GSE1: variants seen among roughly 807,000 people sequenced by gnomAD.
GSE1 encodes genetic suppressor element 1.
Under a neutral mutation model 112.6 loss-of-function variants are expected in GSE1, and 32 were observed. The ratio of observed to expected loss-of-function variants is 0.28; its 90% CI spans 0.21 to 0.38. The LOEUF is 0.38. GSE1 is among the 10% of genes least tolerant of loss of function. The probability of loss-of-function intolerance (pLI) is 1.00; values close to 1 mark genes in which losing one functional copy is unlikely to be tolerated. For synonymous variants in GSE1, 1,115 were observed against 735.6 expected, an observed-to-expected ratio of 1.52 and a Z score of -8.35; for missense variants, 2,348 against 1,699.2, an observed-to-expected ratio of 1.38 and a Z score of -6.71.
At chr16:85,469,965 A>C (rs1006915392) in intron 2 of GSE1, among the ~76,000 whole-genome samples, 2 of 152,156 alleles carry the variant, frequency 1.3e-5, no homozygotes, top group African/African-American at 4.8e-5. Flanking sequence ...GGTTCCCCGC[A>C]GTGGCAACCG....
At chr16:85,457,616 C>T (rs955963727) in intron 2 of GSE1, among the ~76,000 whole-genome samples, 1 of 152,364 alleles carries the variant, frequency 6.6e-6, no homozygotes, top group Admixed American at 6.5e-5. Context: ...GCTACCTGCA[C>T]ACAGCACCCC....
chr16:85,401,387 G>A (rs980397252), intron 2 of GSE1, among the ~76,000 whole-genome samples: 5 of 152,188 alleles, frequency 3.3e-5, no homozygotes, highest in African/African-American at 1.2e-4. Context: ...ACCAGGGGTG[G>A]GGGCAGAAAG....
rs1268004888 is a variant in GSE1 at position 85,673,977 on chromosome 16, C to G, written c.*1438C>G. ...GAACTTACTGTGACAAGCACAGGAA[C>G]GGTCAGAAACTGGGCTCATCACACC... On this transcript the variant is annotated 3_prime_UTR_variant, in exon 16 of 16. Coordinates refer to ENST00000253458, the MANE Select transcript of GSE1 (RefSeq NM_014615.5). 1 of 152,388 alleles carries G rather than the reference C, an allele frequency of 6.6e-6. No homozygotes were observed. Among genetic ancestry groups the G allele is most frequent in the Non-Finnish European group, 1.5e-5 (1 of 68,050 alleles). 9.4% of individuals were successfully genotyped at this position (152,388 alleles called of 1,614,324 possible). A position where few individuals can be genotyped will look rare whatever the true frequency, so the allele number is the denominator to read the frequency against.
chr16:85,529,853 C>T (rs978213924), intron 2 of GSE1, among the ~76,000 whole-genome samples: 3 of 152,202 alleles, frequency 2.0e-5, no homozygotes, highest in African/African-American at 7.2e-5. Flanking sequence ...CAGCTGGGAG[C>T]CACGAAACAC....
chr16:85,262,402 G>T (rs575724520), intron 1 of GSE1, among the ~76,000 whole-genome samples: 30 of 152,300 alleles, frequency 2.0e-4, no homozygotes, highest in African/African-American at 7.0e-4. Flanking sequence ...GCTTTTGACA[G>T]CTAATTAGCT....
chr16:85,556,463 G>A, intron 1 of GSE1: 1 of 372,410 alleles, frequency 2.7e-6, no homozygotes, highest in Non-Finnish European at 3.7e-6. Flanking sequence ...AGCCAGGGTC[G>A]GGGCATTGGG....
intron 2 of GSE1, among the ~76,000 whole-genome samples, chr16:85,394,543 G>A (rs2047923489): frequency 6.6e-6 from 1 of 152,110 alleles, no homozygotes; most frequent in South Asian, 2.1e-4. Flanking sequence ...GTGCCCATTT[G>A]TGGGGTCACT....
At chr16:85,320,293 A>G (rs1258789110) in intron 1 of GSE1, among the ~76,000 whole-genome samples, 1 of 152,120 alleles carries the variant, frequency 6.6e-6, no homozygotes, top group East Asian at 1.9e-4. Flanking sequence ...TTGAGGCCGG[A>G]GCAGTTTTCC....
At chr16:85,377,213 A>C (rs2047440628) in intron 2 of GSE1, among the ~76,000 whole-genome samples, 1 of 152,118 alleles carries the variant, frequency 6.6e-6, no homozygotes, top group South Asian at 2.1e-4. Flanking sequence ...GGACAGAAGA[A>C]CATCTCTCTG....
chr16:85,658,595 C>T (rs1407339165), intron 8 of GSE1, among the ~76,000 whole-genome samples: 1 of 152,230 alleles, frequency 6.6e-6, no homozygotes, highest in Non-Finnish European at 1.5e-5. Flanking sequence ...TCAGGGATGA[C>T]TGGGAGTGAC....
chr16:85,205,686 A>G (rs1352122777), intron 1 of GSE1, among the ~76,000 whole-genome samples: 3 of 152,026 alleles, frequency 2.0e-5, no homozygotes, highest in African/African-American at 2.4e-5. Context: ...CCTGGGCAGC[A>G]TGCGGTGTCC....
chr16:85,635,343 G>C (rs1040918310), intron 2 of GSE1, among the ~76,000 whole-genome samples: 1 of 152,212 alleles, frequency 6.6e-6, no homozygotes, highest in African/African-American at 2.4e-5. Flanking sequence ...ACCAGGCACA[G>C]GCAGGACCGC....
At chr16:85,446,404 A>T (rs1476454841) in intron 2 of GSE1, among the ~76,000 whole-genome samples, 5 of 152,120 alleles carry the variant, frequency 3.3e-5, no homozygotes, top group Admixed American at 2.0e-4. Flanking sequence ...AGTGCTGGAG[A>T]CGATCTGCTG....
In GSE1 at chr16:85,510,086, C is replaced by T. The variant is rs138836059; in HGVS notation, c.2465-123828C>T. 1.6e-4 allele frequency among the ~76,000 whole-genome samples: 24 copies of T among 152,340 alleles called. 1 individual carries two copies. In the East Asian group the frequency reaches 4.6e-3, roughly 29 times the overall value. On this transcript the variant is annotated intron_variant, in intron 2 of 2. Coordinates refer to the GSE1 transcript ENST00000637419. Reference sequence around the variant, plus strand: ...GTGGGGCCCCGGGGGCCAAGCACCCCCATGCCGCCACCATCAGATGTACCC... The same window carrying T: ...GTGGGGCCCCGGGGGCCAAGCACCCTCATGCCGCCACCATCAGATGTACCC...
chr16:85,474,357 T>A (rs973417442), intron 2 of GSE1, among the ~76,000 whole-genome samples: 1 of 152,102 alleles, frequency 6.6e-6, no homozygotes, highest in Admixed American at 6.5e-5. Context: ...CTCCGCATCC[T>A]GCCACGTTGG....
chr16:85,400,008 C>T (rs892612449), intron 2 of GSE1, among the ~76,000 whole-genome samples: 2 of 152,224 alleles, frequency 1.3e-5, no homozygotes, highest in African/African-American at 4.8e-5. Context: ...CGCACAGCAG[C>T]CCCTGAGCAG....
chr16:85,467,873 C>G (rs957459551), intron 2 of GSE1, among the ~76,000 whole-genome samples: 13 of 152,192 alleles, frequency 8.5e-5, no homozygotes, highest in Admixed American at 7.2e-4. Flanking sequence ...GTGCTTACAG[C>G]ATAGGGAGAA....
chr16:85,291,322 C>T (rs557099635), intron 1 of GSE1, among the ~76,000 whole-genome samples: 354 of 152,330 alleles, frequency 2.3e-3, no homozygotes, highest in Middle Eastern at 3.4e-3. Context: ...GCACCAGCCC[C>T]CCTGGGCAGC....
At chr16:85,378,534 C>A (rs1472292104) in intron 2 of GSE1, among the ~76,000 whole-genome samples, 1 of 152,234 alleles carries the variant, frequency 6.6e-6, no homozygotes, top group Non-Finnish European at 1.5e-5. Context: ...TCTCTATAAT[C>A]AGCACCATGA....
Sources: allele counts gnomAD v4.1 joint callset (sites outside exome capture counted in the v4.1 genomes callset), GRCh38; gene constraint gnomAD v4.1.1; transcripts MANE v1.5; gene names NCBI Gene and HGNC (gene_info 2026-07-23, HGNC 2026-07-21).